Variants in MEP1A observed in about 807,000 individuals in gnomAD.
MEP1A encodes the protein N-benzoyl-L-tyrosyl-P-amino-benzoic acid hydrolase subunit alpha.
Under a neutral mutation model 84.5 loss-of-function variants are expected in MEP1A, and 68 were observed. That is an observed-to-expected ratio of 0.80 (90% CI 0.66 to 0.98). The LOEUF is 0.98. Ranked by LOEUF, MEP1A falls within the 50% of genes least tolerant of loss-of-function variation. The pLI is 0.00. For missense variants in MEP1A, 887 were observed against 919.9 expected (o/e 0.96, Z 0.46); for synonymous variants, 337 against 336.8 (o/e 1.00, Z -0.01).
intron 3 of MEP1A, among the ~76,000 whole-genome samples, chr6:46,795,386 C>T (rs1371135511): frequency 6.6e-5 from 10 of 152,070 alleles, no homozygotes; most frequent in Non-Finnish European, 1.0e-4. Flanking sequence ...CTGCAACCTC[C>T]GCCTCCTGGG....
rs546491540 is a variant in MEP1A at position 46,805,765 on chromosome 6, C to T, written c.263-3655C>T. ...TATGCTGATTTTCTTTTTATCTATC[C>T]TGTTTGGGCTCACCAAGTTTCTTCT... On this transcript the variant is annotated intron_variant, in intron 5 of 13. Transcript: ENST00000230588. Among the ~76,000 whole-genome samples the T allele has an allele frequency of 1.2e-4, 18 of 151,846 alleles. No homozygotes were observed. In the South Asian group the frequency reaches 2.9e-3, roughly 25 times the overall value.
At chr6:46,809,938 T>C (rs1354349589) in intron 6 of MEP1A, among the ~76,000 whole-genome samples, 1 of 151,890 alleles carries the variant, frequency 6.6e-6, no homozygotes, top group Non-Finnish European at 1.5e-5. Context: ...TGTGCAAGTA[T>C]CTTTTTCGTA....
At chr6:46,794,743 G>A (rs545393707) in intron 3 of MEP1A, among the ~76,000 whole-genome samples, 1 of 152,308 alleles carries the variant, frequency 6.6e-6, no homozygotes, top group East Asian at 1.9e-4. Flanking sequence ...TCAGAGCCAG[G>A]CACTAAAATA....
intron 5 of MEP1A, among the ~76,000 whole-genome samples, chr6:46,799,437 C>T (rs142470574): frequency 2.1e-3 from 327 of 152,266 alleles, no homozygotes; most frequent in African/African-American, 6.9e-3. Flanking sequence ...ACCAGGAGAA[C>T]ATAAAAGAGC....
downstream of MEP1A, among the ~76,000 whole-genome samples, chr6:46,843,262 C>A (rs1295231155): frequency 6.6e-6 from 1 of 152,180 alleles, no homozygotes; most frequent in African/African-American, 2.4e-5. Context: ...AGGACATTGA[C>A]AAATGTCCCC....
At chr6:46,807,840 G>GA (rs1562107182) in intron 5 of MEP1A, among the ~76,000 whole-genome samples, 2,368 of 107,764 alleles carry the variant, frequency 0.022, 124 homozygotes, top group Admixed American at 0.039. Context: ...AGAAAGAAAG[G>GA]AAGAAAGGAA....
the MEP1A span, among the ~76,000 whole-genome samples, chr6:46,845,302 G>T: frequency 6.6e-6 from 1 of 152,160 alleles, no homozygotes; most frequent in African/African-American, 2.4e-5. Flanking sequence ...GACTGATAAC[G>T]GGACATAATG....
intron 6 of MEP1A, among the ~76,000 whole-genome samples, chr6:46,810,058 T>C: frequency 6.6e-6 from 1 of 152,058 alleles, no homozygotes; most frequent in East Asian, 1.9e-4. Flanking sequence ...CCATAGTCAC[T>C]GTACTAGTTT....
intron 3 of MEP1A, among the ~76,000 whole-genome samples, chr6:46,796,849 A>G (rs1340687596): frequency 6.6e-6 from 1 of 152,188 alleles, no homozygotes; most frequent in African/African-American, 2.4e-5. Context: ...GGAAATACAG[A>G]TTTTTGCTCA....
chr6:46,833,240 A>G lies in MEP1A; in HGVS notation c.1311A>G (p.Thr437=), dbSNP rs777824041. 23 of 1,614,180 alleles carry G rather than the reference A, an allele frequency of 1.4e-5. No individual in the cohort carries two copies. In the South Asian group the frequency reaches 2.3e-4, roughly 16 times the overall value. ...CCCCCTGCCCCACAGGGGTCTGGACAGTCCGGAATTTCTCCCAAGTCCTTG... is the reference window on the plus strand; with the variant it reads ...CCCCCTGCCCCACAGGGGTCTGGACGGTCCGGAATTTCTCCCAAGTCCTTG... ...TETPCPTGVW[T]VRNFSQVLEN... Residue 437 remains threonine (T), a synonymous_variant, in exon 11 of 14, where the codon ACA becomes ACG. Coordinates refer to ENST00000230588, the MANE Select transcript of MEP1A (RefSeq NM_005588.3).
chr6:46,836,443 T>C (rs548104269), intron 13 of MEP1A, among the ~76,000 whole-genome samples: 9 of 152,340 alleles, frequency 5.9e-5, no homozygotes, highest in African/African-American at 1.9e-4. Flanking sequence ...GTAGCTTTTA[T>C]TTTGAAATAA....
chr6:46,808,700 A>G (rs1351077273), intron 5 of MEP1A, among the ~76,000 whole-genome samples: 4 of 152,004 alleles, frequency 2.6e-5, no homozygotes, highest in African/African-American at 9.7e-5. Context: ...TGGTCCCCAC[A>G]GGTTACTAGT....
At chr6:46,806,744 C>G (rs918949321) in intron 5 of MEP1A, among the ~76,000 whole-genome samples, 1 of 152,112 alleles carries the variant, frequency 6.6e-6, no homozygotes, top group South Asian at 2.1e-4. Flanking sequence ...AGGACTTTCT[C>G]CCTTGATTTT....
At chr6:46,795,713 T>A (rs1767035720) in intron 3 of MEP1A, among the ~76,000 whole-genome samples, 1 of 152,198 alleles carries the variant, frequency 6.6e-6, no homozygotes, top group Non-Finnish European at 1.5e-5. Flanking sequence ...ATAACTGTGC[T>A]TCCCTTTCTG....
intron 5 of MEP1A, 26 bp from the exon 6 acceptor site, chr6:46,809,394 A>G (rs939771514): frequency 4.3e-6 from 6 of 1,411,290 alleles, no homozygotes; most frequent in Middle Eastern, 1.8e-4. Context: ...AATAATGCTC[A>G]TTGATATTTT....
At chr6:46,821,032 G>T (rs1028942156) in intron 7 of MEP1A, among the ~76,000 whole-genome samples, 5 of 151,936 alleles carry the variant, frequency 3.3e-5, no homozygotes, top group Non-Finnish European at 5.9e-5. Flanking sequence ...TTACTTTTGG[G>T]GGCTTGGAAG....
chr6:46,813,551 G>C (rs1351676536), intron 6 of MEP1A, among the ~76,000 whole-genome samples: 1 of 152,004 alleles, frequency 6.6e-6, no homozygotes, highest in African/African-American at 2.4e-5. Context: ...TACATTCACT[G>C]TTATTATTGG....
At chr6:46,818,744 T>C (rs1184969861) in intron 6 of MEP1A, among the ~76,000 whole-genome samples, 1 of 152,160 alleles carries the variant, frequency 6.6e-6, no homozygotes, top group South Asian at 2.1e-4. Context: ...TCCGAAGACA[T>C]GGATTTTATT....
intron 6 of MEP1A, among the ~76,000 whole-genome samples, chr6:46,818,865 C>T (rs769199423): frequency 1.3e-5 from 2 of 152,130 alleles, no homozygotes; most frequent in Non-Finnish European, 2.9e-5. Flanking sequence ...ATGGCTCACA[C>T]CTGTAATCCT....
Sources: allele counts gnomAD v4.1 joint callset (sites outside exome capture counted in the v4.1 genomes callset), GRCh38; gene constraint gnomAD v4.1.1; transcripts MANE v1.5; gene names NCBI Gene and HGNC (gene_info 2026-07-23, HGNC 2026-07-21).